KIF4A: variants seen among roughly 807,000 people sequenced by gnomAD.
The protein encoded by KIF4A is kinesin family member 4A, also known as chromosome-associated kinesin KIF4A.
Under a neutral mutation model 105.9 loss-of-function variants are expected in KIF4A, and 7 were observed. The ratio of observed to expected loss-of-function variants is 0.07; its 90% CI spans 0.04 to 0.12. KIF4A has a LOEUF of 0.12. Ranked by LOEUF, KIF4A falls within the 10% of genes least tolerant of loss-of-function variation. The pLI is 1.00. For synonymous variants in KIF4A, 281 were observed against 331.3 expected (o/e 0.85, Z 1.65); for missense variants, 558 against 929.2 (o/e 0.60, Z 5.19).
chrX:70,302,703 T>A (rs1285193332), intron 7 of KIF4A, among the ~76,000 whole-genome samples: 1 of 112,018 alleles, frequency 8.9e-6, no homozygotes, highest in Non-Finnish European at 1.9e-5. Context: ...CCTGATTCTG[T>A]CATTTTAAGT....
intron 9 of KIF4A, among the ~76,000 whole-genome samples, chrX:70,333,340 GAAAAGAA>G (rs1024668921): frequency 9.3e-5 from 10 of 107,451 alleles, no homozygotes; most frequent in Admixed American, 6.9e-4. Flanking sequence ...AAAAAGAAAA[GAAAAGAA>G]AAAAGAAAAA....
chrX:70,406,400 G>A (rs1307762826), intron 27 of KIF4A, 46 bp downstream of exon 27: 10 of 1,021,600 alleles, frequency 9.8e-6, no homozygotes, highest in Non-Finnish European at 1.4e-5. Context: ...CTTAGGTTTG[G>A]GGTGAGTGTG....
At chrX:70,345,687 C>T (rs1434659438) in intron 13 of KIF4A, among the ~76,000 whole-genome samples, 1 of 111,072 alleles carries the variant, frequency 9.0e-6, no homozygotes, top group East Asian at 2.8e-4. Context: ...ACCTCTTCCT[C>T]AGGAATATAC....
At chrX:70,306,705 T>C (rs1352975533) in intron 7 of KIF4A, among the ~76,000 whole-genome samples, 1 of 111,028 alleles carries the variant, frequency 9.0e-6, no homozygotes, top group Non-Finnish European at 1.9e-5. Flanking sequence ...CACACCTGGC[T>C]GATTTTTGTA....
At chrX:70,377,060 C>T (rs2086177840) in intron 18 of KIF4A, among the ~76,000 whole-genome samples, 1 of 110,823 alleles carries the variant, frequency 9.0e-6, no homozygotes, top group Admixed American at 9.7e-5. Flanking sequence ...TTGGAGACTT[C>T]AATCCACCTC....
intron 15 of KIF4A, among the ~76,000 whole-genome samples, chrX:70,363,486 T>C (rs970296986): frequency 9.0e-6 from 1 of 111,094 alleles, no homozygotes; most frequent in Non-Finnish European, 1.9e-5. Context: ...TGAGTGAGAA[T>C]ATGCAGTGTT....
At position 70,341,114 on chromosome X, in the gene KIF4A, A is replaced by G. The variant is rs1023125492; in HGVS notation, c.1134-685A>G. Reference sequence around the variant, plus strand: ...ATTTGAAATGGACACCATTGTTGTCATGACTCACTCTAAGTAATTTAAAAT... The same window carrying G: ...ATTTGAAATGGACACCATTGTTGTCGTGACTCACTCTAAGTAATTTAAAAT... On this transcript the variant is annotated intron_variant, in intron 10 of 30. Coordinates refer to ENST00000374403, the MANE Select transcript of KIF4A (RefSeq NM_012310.5). Among the ~76,000 whole-genome samples the G allele has an allele frequency of 6.3e-5, 7 of 111,493 alleles. No individual in the cohort carries two copies. In the Admixed American group the frequency reaches 6.7e-4, roughly 11 times the overall value.
intron 7 of KIF4A, among the ~76,000 whole-genome samples, chrX:70,305,307 A>C (rs2085822626): frequency 8.9e-6 from 1 of 111,901 alleles, no homozygotes; most frequent in African/African-American, 3.3e-5. Context: ...TCATCACCTC[A>C]AAAAGAAATC....
At chrX:70,381,735 A>G (rs188152268) in intron 18 of KIF4A, among the ~76,000 whole-genome samples, 386 of 111,901 alleles carry the variant, frequency 3.4e-3, no homozygotes, top group Non-Finnish European at 5.7e-3. Flanking sequence ...TGATATTCTA[A>G]AGATGGAATA....
intron 18 of KIF4A, among the ~76,000 whole-genome samples, chrX:70,383,401 A>G (rs2086205602): frequency 8.9e-6 from 1 of 112,064 alleles, no homozygotes; most frequent in South Asian, 3.7e-4. Flanking sequence ...ATGTGGAGAC[A>G]CTGAAAGCCT....
rs140767407 is a variant in KIF4A, at chrX:70,300,776, T to G, written c.517-1124T>G. ...CTCTCCAACTCTGTTACAAGTGATATGTGAATTCATTCTTATAAGGAATTC... is the reference window on the plus strand; with the variant it reads ...CTCTCCAACTCTGTTACAAGTGATAGGTGAATTCATTCTTATAAGGAATTC... On this transcript the variant is annotated intron_variant, in intron 5 of 30. Coordinates refer to ENST00000374403, the MANE Select transcript of KIF4A (RefSeq NM_012310.5). Among the ~76,000 whole-genome samples, 624 of 112,219 alleles carry G rather than the reference T, an allele frequency of 5.6e-3. 4 individuals are homozygous for G. Among genetic ancestry groups the G allele is most frequent in the Non-Finnish European group, 9.0e-3 (478 of 53,226 alleles).
chrX:70,405,735 G>T, intron 25 of KIF4A, 93 bp from the exon 26 acceptor site: 1 of 623,034 alleles, frequency 1.6e-6, no homozygotes, highest in Non-Finnish European at 2.7e-6. Context: ...CCAGCAACTT[G>T]GCAGCAGTAT....
At chrX:70,310,804 A>G (rs1569230689) in intron 7 of KIF4A, among the ~76,000 whole-genome samples, 1 of 111,218 alleles carries the variant, frequency 9.0e-6, no homozygotes, top group Non-Finnish European at 1.9e-5. Flanking sequence ...TCTTGAGCCA[A>G]TTCTGGTCAT....
chrX:70,374,682 A>C (rs987811520), intron 16 of KIF4A, among the ~76,000 whole-genome samples: 1 of 111,745 alleles, frequency 8.9e-6, no homozygotes, highest in Non-Finnish European at 1.9e-5. Context: ...CAGGCTAGTG[A>C]TTTAAAAAAT....
rs1316656386 is a variant in KIF4A, at chrX:70,407,065, A to G, written c.3245A>G (p.Asn1082Ser). The change falls in exon 28 of 31, where the codon AAC becomes AGC. Residue 1082 changes from asparagine (N) to serine (S), a missense_variant. Around this residue, in one of 2 missense-constraint regions of KIF4A, gnomAD observed 469 missense variants for 680.4 expected, o/e 0.69. Coordinates refer to ENST00000374403, the MANE Select transcript of KIF4A (RefSeq NM_012310.5). ...AAATTAGTTAAGGTGTCCAGGAAGA[A>G]CATCCAAGGGGTAGGAGCCAGCTCT... is the stretch of plus-strand genomic sequence containing the variant. ...PTKLVKVSRK[N>S]IQGCSCKGWC... 8.4e-7 allele frequency: 1 copy of G among 1,189,695 alleles called. No homozygotes were observed. The highest frequency in any genetic ancestry group is 1.1e-6 in the Non-Finnish European group (1 of 884,536).
At chrX:70,327,922 C>A (rs2085916523) in intron 7 of KIF4A, among the ~76,000 whole-genome samples, 1 of 111,252 alleles carries the variant, frequency 9.0e-6, no homozygotes, top group Non-Finnish European at 1.9e-5. Flanking sequence ...AATTTTCAAC[C>A]ATAGGGTTCA....
At chrX:70,328,644 C>T (rs1383680812) in intron 7 of KIF4A, among the ~76,000 whole-genome samples, 1 of 111,770 alleles carries the variant, frequency 8.9e-6, no homozygotes. Context: ...AGGAACTTAA[C>T]CCAAGATCAT....
At chrX:70,365,766 A>T (rs770086388) in intron 15 of KIF4A, among the ~76,000 whole-genome samples, 39 of 111,716 alleles carry the variant, frequency 3.5e-4, no homozygotes, top group African/African-American at 1.1e-3. Context: ...ATAAAATGAG[A>T]TAGGGAGGAT....
At chrX:70,386,072 C>G (rs770904094) in intron 18 of KIF4A, among the ~76,000 whole-genome samples, 2 of 110,143 alleles carry the variant, frequency 1.8e-5, no homozygotes, top group Admixed American at 9.8e-5. Context: ...TCTTTATGTC[C>G]GTGTGTACCC....
Sources: allele counts gnomAD v4.1 joint callset (sites outside exome capture counted in the v4.1 genomes callset), GRCh38; gene constraint gnomAD v4.1.1; regional missense constraint gnomAD v4.1.1; transcripts MANE v1.5; gene names NCBI Gene and HGNC (gene_info 2026-07-23, HGNC 2026-07-21).